The following PTPRM variants were observed in gnomAD, a reference collection of about 807,000 sequenced individuals.
PTPRM encodes receptor-type tyrosine-protein phosphatase mu.
Under a neutral mutation model 186.7 loss-of-function variants are expected in PTPRM, and 47 were observed. The observed-to-expected ratio is 0.25, with a 90% CI of 0.20 to 0.32. The LOEUF is 0.32. PTPRM is among the 10% of genes least tolerant of loss of function. The pLI, the probability that PTPRM is intolerant of heterozygous loss-of-function variation, is 1.00. For missense variants in PTPRM, 1,494 were observed against 1,865.0 expected, an observed-to-expected ratio of 0.80 and a Z score of 3.66; for synonymous variants, 668 against 674.9, an observed-to-expected ratio of 0.99 and a Z score of 0.16.
intron 3 of PTPRM, among the ~76,000 whole-genome samples, chr18:7,896,731 T>C (rs2049380761): frequency 6.6e-6 from 1 of 152,162 alleles, no homozygotes; most frequent in African/African-American, 2.4e-5. Flanking sequence ...TGCGCCCTGC[T>C]TGGAGTTCTT....
intron 2 of PTPRM, among the ~76,000 whole-genome samples, chr18:7,857,964 A>G (rs148874361): frequency 6.6e-6 from 1 of 152,222 alleles, no homozygotes. Flanking sequence ...CTTAAGTGCT[A>G]TTAGAAGAGA....
At chr18:8,067,410 A>G (rs2089169714) in intron 7 of PTPRM, among the ~76,000 whole-genome samples, 1 of 152,242 alleles carries the variant, frequency 6.6e-6, no homozygotes. Context: ...TCCCAACAGT[A>G]GTAATTTAAA....
intron 11 of PTPRM, among the ~76,000 whole-genome samples, chr18:8,092,935 C>T (rs2090825165): frequency 6.6e-6 from 1 of 152,172 alleles, no homozygotes; most frequent in Non-Finnish European, 1.5e-5. Context: ...ATTGCTTGAA[C>T]ACAGGAGTTC....
At chr18:8,381,735 G>A (rs1395433516) in intron 29 of PTPRM, among the ~76,000 whole-genome samples, 1 of 152,134 alleles carries the variant, frequency 6.6e-6, no homozygotes, top group African/African-American at 2.4e-5. Context: ...ATAGAACCAA[G>A]GGTCCTGATT....
intron 2 of PTPRM, among the ~76,000 whole-genome samples, chr18:7,834,643 C>T (rs2045943538): frequency 1.3e-5 from 2 of 151,004 alleles, no homozygotes. Context: ...GGAAGTACTC[C>T]ATCCTCCTCT....
chr18:7,655,748 T>G (rs2038831436), intron 1 of PTPRM, among the ~76,000 whole-genome samples: 1 of 152,194 alleles, frequency 6.6e-6, no homozygotes, highest in Admixed American at 6.5e-5. Flanking sequence ...CATTGAGGAA[T>G]CTTAAATACA....
intron 7 of PTPRM, among the ~76,000 whole-genome samples, chr18:7,979,843 G>A (rs192898521): frequency 6.6e-6 from 1 of 152,272 alleles, no homozygotes; most frequent in Non-Finnish European, 1.5e-5. Context: ...CCAGTGAAGT[G>A]ACTTGGGACA....
In PTPRM at chr18:8,341,449, G is replaced by C. The variant is rs567303197; in HGVS notation, c.2957-1974G>C. On this transcript the variant is annotated intron_variant, in intron 22 of 32. Transcript: ENST00000580170. ...TACACCGAGCAATCCCAGAATGTCG[G>C]CTGGCAAGAAGGGGTGAGTGAGGAA... Among the ~76,000 whole-genome samples the C allele has an allele frequency of 4.6e-5, 7 of 152,306 alleles. No homozygotes were observed. The East Asian group carries it at 1.4e-3, about 29-fold the overall frequency.
At chr18:7,641,022 A>G (rs1393078373) in intron 1 of PTPRM, among the ~76,000 whole-genome samples, 1 of 152,228 alleles carries the variant, frequency 6.6e-6, no homozygotes, top group Non-Finnish European at 1.5e-5. Context: ...ATTTTTAAAA[A>G]TGATAATGGA....
chr18:7,755,001 C>T (rs2041405819), intron 1 of PTPRM: 1 of 152,228 alleles, frequency 6.6e-6, no homozygotes, highest in African/African-American at 2.4e-5. Context: ...GTGCGTGTCT[C>T]CTCTTCAGGC....
intron 7 of PTPRM, among the ~76,000 whole-genome samples, chr18:7,989,850 T>G (rs751886436): frequency 2.0e-5 from 3 of 152,196 alleles, no homozygotes; most frequent in Non-Finnish European, 4.4e-5. Flanking sequence ...TGTGAAGCTC[T>G]TCAAAGCTTT....
intron 25 of PTPRM, 36 bp from the exon 26 acceptor site, chr18:8,376,426 T>C (rs2095695437): frequency 6.2e-7 from 1 of 1,613,632 alleles, no homozygotes; most frequent in Non-Finnish European, 8.5e-7. Context: ...AGTGTGGTCC[T>C]TCTTCCTCCA....
intron 2 of PTPRM, among the ~76,000 whole-genome samples, chr18:7,850,300 G>A (rs2046801459): frequency 6.6e-6 from 1 of 152,194 alleles, no homozygotes; most frequent in Admixed American, 6.5e-5. Flanking sequence ...TCTGTTTTCA[G>A]TAATGGTTAA....
chr18:7,596,875 T>C (rs1270079199), intron 1 of PTPRM, among the ~76,000 whole-genome samples: 1 of 152,082 alleles, frequency 6.6e-6, no homozygotes, highest in Non-Finnish European at 1.5e-5. Context: ...TTCTTTTTTT[T>C]CAGACAGTTT....
chr18:8,379,849 T>C (rs1052401325), intron 28 of PTPRM, among the ~76,000 whole-genome samples: 2 of 152,224 alleles, frequency 1.3e-5, no homozygotes, highest in Admixed American at 6.5e-5. Context: ...CTGAACTTTT[T>C]TGAAGCTCTT....
chr18:7,996,057 A>T (rs902513963), intron 7 of PTPRM, among the ~76,000 whole-genome samples: 10 of 152,130 alleles, frequency 6.6e-5, no homozygotes, highest in African/African-American at 2.4e-4. Flanking sequence ...ATTATTGCTT[A>T]GTCTGCTGTG....
intron 1 of PTPRM, among the ~76,000 whole-genome samples, chr18:7,729,877 C>T (rs2040621724): frequency 6.6e-6 from 1 of 152,000 alleles, no homozygotes; most frequent in Non-Finnish European, 1.5e-5. Flanking sequence ...TGAATTAAAG[C>T]TTTTATACAT....
intron 23 of PTPRM, chr18:8,366,820 T>C (rs2095632236): frequency 6.6e-6 from 1 of 152,248 alleles, no homozygotes; most frequent in Non-Finnish European, 1.5e-5. Flanking sequence ...GATCTGTTTC[T>C]GGACCTTGCT....
chr18:8,047,155 A>G (rs2148224497), intron 7 of PTPRM, among the ~76,000 whole-genome samples: 1 of 152,350 alleles, frequency 6.6e-6, no homozygotes. Flanking sequence ...TTAATTTTCA[A>G]CACGGTAAGA....
Sources: allele counts gnomAD v4.1 joint callset (sites outside exome capture counted in the v4.1 genomes callset), GRCh38; gene constraint gnomAD v4.1.1; transcripts MANE v1.5; gene names NCBI Gene and HGNC (gene_info 2026-07-23, HGNC 2026-07-21).